Variants in HIVEP2 observed in about 807,000 individuals in gnomAD.
HIVEP2 encodes transcription factor HIVEP2.
Under a neutral mutation model 180.7 loss-of-function variants are expected in HIVEP2, and 14 were observed. The observed-to-expected ratio is 0.08, with a 90% CI of 0.05 to 0.12. The LOEUF is 0.12. HIVEP2 is among the 10% of genes least tolerant of loss of function. The pLI, the probability that HIVEP2 is intolerant of heterozygous loss-of-function variation, is 1.00. For synonymous variants in HIVEP2, 1,184 were observed against 1,136.4 expected (o/e 1.04, Z -0.84); for missense variants, 2,579 against 3,008.5 (o/e 0.86, Z 3.34).
intron 2 of HIVEP2, among the ~76,000 whole-genome samples, chr6:142,805,934 T>C (rs1776538119): frequency 6.6e-6 from 1 of 152,206 alleles, no homozygotes; most frequent in Non-Finnish European, 1.5e-5. Flanking sequence ...CATCTCCGTC[T>C]GCCCTGCAGA....
chr6:142,858,643 G>T (rs183862741), intron 1 of HIVEP2, among the ~76,000 whole-genome samples: 1 of 152,062 alleles, frequency 6.6e-6, no homozygotes, highest in East Asian at 1.9e-4. Flanking sequence ...CCAGGCTGGA[G>T]TGCAATGACA....
At chr6:142,856,172 C>A (rs754660894) in intron 1 of HIVEP2, among the ~76,000 whole-genome samples, 1 of 151,552 alleles carries the variant, frequency 6.6e-6, no homozygotes, top group African/African-American at 2.4e-5. Context: ...GTAACTGCAT[C>A]GCTTTTCACT....
In HIVEP2 at chr6:142,774,656, T is replaced by G; in HGVS notation, c.83A>C (p.Gln28Pro). ...CATCTTAATAACAGCTGATTGTTCC[T>G]GTCTCCATCTACCTGATGCTTTATC... Reference protein sequence around the residue: ...ETDKASGRWRQEQSAVIKMST... With the variant: ...ETDKASGRWRPEQSAVIKMST... The change falls in exon 5 of 10, where the codon CAG becomes CCG. Residue 28 changes from glutamine to proline, a missense_variant. Gln to Pro is a moderately conservative substitution (Grantham distance 76). Coordinates refer to ENST00000367603, the MANE Select transcript of HIVEP2 (RefSeq NM_006734.4). The surrounding 1 kb of genome is among the most constrained non-coding windows in gnomAD (Gnocchi z 5.1). 6.2e-7 allele frequency: 1 copy of G among 1,614,242 alleles called. No individual in the cohort carries two copies. Among genetic ancestry groups the G allele is most frequent in the East Asian group, 2.2e-5 (1 of 44,888 alleles).
intron 1 of HIVEP2, among the ~76,000 whole-genome samples, chr6:142,882,996 A>G (rs1404659120): frequency 6.6e-6 from 1 of 152,154 alleles, no homozygotes; most frequent in Non-Finnish European, 1.5e-5. Flanking sequence ...TCTATAAGTA[A>G]TAAAAGTGTC....
At chr6:142,862,483 T>C (rs198658) in intron 1 of HIVEP2, among the ~76,000 whole-genome samples, 366 of 98,780 alleles carry the variant, frequency 3.7e-3, no homozygotes, top group African/African-American at 0.015. Flanking sequence ...TTATAATACA[T>C]ATAATCGATT....
intron 1 of HIVEP2, among the ~76,000 whole-genome samples, chr6:142,939,990 C>A (rs898910424): frequency 6.6e-6 from 1 of 152,160 alleles, no homozygotes; most frequent in Non-Finnish European, 1.5e-5. Context: ...ATCACACAGA[C>A]CCCTAATCAC....
intron 1 of HIVEP2, among the ~76,000 whole-genome samples, chr6:142,857,326 C>T (rs1032280011): frequency 6.6e-6 from 1 of 152,002 alleles, no homozygotes; most frequent in Non-Finnish European, 1.5e-5. Flanking sequence ...ATTGTATAGC[C>T]CCTAGATCTA....
At chr6:142,779,890 C>T (rs1775803695) in intron 3 of HIVEP2, among the ~76,000 whole-genome samples, 1 of 151,932 alleles carries the variant, frequency 6.6e-6, no homozygotes, top group South Asian at 2.1e-4. Flanking sequence ...AGAGAATACA[C>T]CAGAAGTTGA....
chr6:142,941,626 C>T (rs887485506), intron 1 of HIVEP2, among the ~76,000 whole-genome samples: 3 of 152,184 alleles, frequency 2.0e-5, no homozygotes, highest in Non-Finnish European at 4.4e-5. Context: ...AAGGATCTGC[C>T]TGTATGGTTA....
chr6:142,795,648 T>C (rs758127633), intron 2 of HIVEP2, among the ~76,000 whole-genome samples: 1 of 152,178 alleles, frequency 6.6e-6, no homozygotes, highest in Non-Finnish European at 1.5e-5. Context: ...TTTCAACAGG[T>C]AACTAGCAAT....
At position 142,771,970 on chromosome 6, in the gene HIVEP2, T is replaced by C. The variant is rs779479436; in HGVS notation, c.2769A>G (p.Arg923=). The change falls in exon 5 of 10, where the codon AGA becomes AGG. Residue 923 remains arginine, a synonymous_variant. Coordinates refer to ENST00000367603, the MANE Select transcript of HIVEP2 (RefSeq NM_006734.4). This position sits in a 1 kb window ranked among gnomAD's most constrained non-coding sequence, Gnocchi z 5.4. ...KPVEEFQWPQ[R]SETLSQLPAE... ...CGGGGAGCTGGGAAAGGGTCTCACTTCTCTGGGGCCACTGAAATTCTTCCA... is the reference window on the plus strand; with the variant it reads ...CGGGGAGCTGGGAAAGGGTCTCACTCCTCTGGGGCCACTGAAATTCTTCCA... The C allele has an allele frequency of 6.2e-7, 1 of 1,614,178 alleles. No individual in the cohort carries two copies. Among genetic ancestry groups the C allele is most frequent in the South Asian group, 1.1e-5 (1 of 91,078 alleles).
At chr6:142,775,919 G>A (rs1363232442) in intron 4 of HIVEP2, among the ~76,000 whole-genome samples, 1 of 150,820 alleles carries the variant, frequency 6.6e-6, no homozygotes, top group Non-Finnish European at 1.5e-5. Flanking sequence ...TATGATACAT[G>A]TTTTATAAAA....
intron 2 of HIVEP2, among the ~76,000 whole-genome samples, chr6:142,797,607 C>T (rs1776308793): frequency 6.6e-6 from 1 of 152,102 alleles, no homozygotes; most frequent in East Asian, 1.9e-4. Context: ...TCTGCAGTTT[C>T]AGTTACCCTC....
At chr6:142,883,748 C>T (rs1776631477) in intron 1 of HIVEP2, among the ~76,000 whole-genome samples, 1 of 152,156 alleles carries the variant, frequency 6.6e-6, no homozygotes, top group Non-Finnish European at 1.5e-5. Flanking sequence ...CAATGGATCT[C>T]ACCAATATTT....
intron 2 of HIVEP2, among the ~76,000 whole-genome samples, chr6:142,805,128 G>A (rs1382014318): frequency 6.6e-6 from 1 of 152,092 alleles, no homozygotes; most frequent in Non-Finnish European, 1.5e-5. Flanking sequence ...TATAATAAAA[G>A]AAGGAGAAGA....
chr6:142,904,085 T>C (rs998354917), intron 1 of HIVEP2, among the ~76,000 whole-genome samples: 20 of 152,074 alleles, frequency 1.3e-4, no homozygotes, highest in Admixed American at 7.9e-4. Context: ...CAAAACTTCA[T>C]AGCAATATTA....
At chr6:142,832,649 A>G (rs1775119798) in intron 2 of HIVEP2, among the ~76,000 whole-genome samples, 1 of 152,218 alleles carries the variant, frequency 6.6e-6, no homozygotes, top group African/African-American at 2.4e-5. Flanking sequence ...AACATAAAAT[A>G]AAGATCTCTA....
At chr6:142,843,041 A>T (rs1458369382) in intron 1 of HIVEP2, among the ~76,000 whole-genome samples, 5 of 152,198 alleles carry the variant, frequency 3.3e-5, no homozygotes, top group Admixed American at 6.5e-5. Flanking sequence ...GGAAAGCTGA[A>T]TGTCTATAGG....
intron 3 of HIVEP2, among the ~76,000 whole-genome samples, chr6:142,777,278 A>G (rs1056410525): frequency 6.6e-6 from 1 of 152,198 alleles, no homozygotes; most frequent in African/African-American, 2.4e-5. Flanking sequence ...TAAAATAAAT[A>G]AAGTACAGCT....
Sources: allele counts gnomAD v4.1 joint callset (sites outside exome capture counted in the v4.1 genomes callset), GRCh38; gene constraint gnomAD v4.1.1; non-coding constraint Gnocchi (gnomAD v3.1); transcripts MANE v1.5; gene names NCBI Gene and HGNC (gene_info 2026-07-23, HGNC 2026-07-21).